Variants in IGSF10 observed in about 807,000 individuals in gnomAD.
The protein encoded by IGSF10 is calvaria mechanical force protein 608.
Under a neutral mutation model 128.2 loss-of-function variants are expected in IGSF10, and 126 were observed. The ratio of observed to expected loss-of-function variants is 0.98; its 90% CI spans 0.85 to 1.14. The LOEUF (loss-of-function observed/expected upper bound fraction) is 1.14. Among genes scored for constraint, IGSF10 ranks in the 50% most tolerant of loss-of-function variants. The probability of loss-of-function intolerance (pLI) is 0.00; values close to 1 mark genes in which losing one functional copy is unlikely to be tolerated. For missense variants in IGSF10, 3,295 were observed against 3,149.8 expected (o/e 1.05, Z -1.10); for synonymous variants, 1,185 against 1,146.2 (o/e 1.03, Z -0.68).
downstream of IGSF10, chr3:151,434,286 A>G (rs1315553014): frequency 6.6e-6 from 1 of 152,140 alleles, no homozygotes; most frequent in Non-Finnish European, 1.5e-5. Flanking sequence ...CATTATCTAT[A>G]AATAATTTAT....
At chr3:151,435,057 GGTTTCT>G (rs1719957741), downstream of IGSF10, 2 of 133,364 alleles carry the variant, frequency 1.5e-5, no homozygotes, top group South Asian at 4.8e-4. Context: ...TATCTTGAGA[GGTTTCT>G]TTTTTTTTTT....
chr3:151,510,523 G>A, the IGSF10 span, among the ~76,000 whole-genome samples: 1 of 152,140 alleles, frequency 6.6e-6, no homozygotes. Flanking sequence ...AAAAAACAGA[G>A]CAGAAAAACT....
the IGSF10 span, among the ~76,000 whole-genome samples, chr3:151,536,679 A>C: frequency 7.8e-3 from 1,187 of 152,270 alleles, 13 homozygotes; most frequent in African/African-American, 0.027. Flanking sequence ...GCCGAATCTA[A>C]AGTACCAGAT....
At position 151,447,038 on chromosome 3, in the gene IGSF10, C is replaced by A. The variant is rs143010277; in HGVS notation, c.2943G>T (p.Thr981=). 8.7e-6 allele frequency: 14 copies of A among 1,613,650 alleles called. No individual in the cohort carries two copies. In the East Asian group the frequency reaches 2.9e-4, roughly 33 times the overall value. The change falls in exon 6 of 8, where the codon ACG becomes ACT. Residue 981 remains threonine (T), a synonymous_variant. Coordinates refer to ENST00000282466, the MANE Select transcript of IGSF10 (RefSeq NM_178822.5). ...SHTTQILSTS[T]FPSDPHTAAH... Reference sequence around the variant, plus strand: ...CAGCTGTGTGTGGATCTGAAGGGAACGTGGAGGTGCTAAGTATTTGAGTAG... The same window carrying A: ...CAGCTGTGTGTGGATCTGAAGGGAAAGTGGAGGTGCTAAGTATTTGAGTAG...
chr3:151,485,153 A>T, the IGSF10 span, among the ~76,000 whole-genome samples: 1 of 152,184 alleles, frequency 6.6e-6, no homozygotes, highest in Non-Finnish European at 1.5e-5. Flanking sequence ...TTCATGAAGC[A>T]TACATAAGTA....
chr3:151,435,253 TCA>T (rs1720012514), downstream of IGSF10: 1 of 3,976 alleles, frequency 2.5e-4, no homozygotes. Flanking sequence ...GCTATACCTA[TCA>T]ATCAATCACA....
chr3:151,506,099 A>G, the IGSF10 span, among the ~76,000 whole-genome samples: 111 of 152,202 alleles, frequency 7.3e-4, 3 homozygotes, highest in Non-Finnish European at 3.4e-4. Flanking sequence ...CTACAGGCAC[A>G]CGCCACTACG....
chr3:151,438,472 T>A lies in IGSF10; in HGVS notation c.6089A>T (p.His2030Leu). 6.2e-7 allele frequency: 1 copy of A among 1,614,180 alleles called. No homozygotes were observed. Among genetic ancestry groups the A allele is most frequent in the Non-Finnish European group, 8.5e-7 (1 of 1,180,022 alleles). The change falls in exon 8 of 8, where the codon CAT (histidine) becomes CTT (leucine). Residue 2030 changes from histidine (H) to leucine (L), a missense_variant. His to Leu is a moderately conservative substitution (Grantham distance 99, BLOSUM62 -3). Coordinates refer to ENST00000282466, the MANE Select transcript of IGSF10 (RefSeq NM_178822.5). Reference protein sequence around the residue: ...NKMGDDLILMHVSLRLKPAKI... With the variant: ...NKMGDDLILMLVSLRLKPAKI... ...GGCAGGTTTCAGTCTTAGGCTAACA[T>A]GCATCAGTATCAGATCATCCCCCAT...
chr3:151,613,472 CAG>C, the IGSF10 span, among the ~76,000 whole-genome samples: 3 of 152,128 alleles, frequency 2.0e-5, no homozygotes, highest in Admixed American at 6.5e-5. Context: ...GGTACCAAAA[CAG>C]AGATATAGAC....
At chr3:151,615,224 G>C in the IGSF10 span, among the ~76,000 whole-genome samples, 8 of 151,840 alleles carry the variant, frequency 5.3e-5, no homozygotes, top group African/African-American at 1.7e-4. Context: ...TGAATGTCAA[G>C]GTTTTTTTGT....
chr3:151,605,740 C>T, the IGSF10 span, among the ~76,000 whole-genome samples: 2 of 152,130 alleles, frequency 1.3e-5, no homozygotes, highest in African/African-American at 4.8e-5. Flanking sequence ...TAGGTTTTTC[C>T]ATAGTCTATT....
the IGSF10 span, among the ~76,000 whole-genome samples, chr3:151,615,932 TTTTG>T: frequency 2.6e-5 from 4 of 151,952 alleles, no homozygotes; most frequent in East Asian, 1.9e-4. Flanking sequence ...TTTATTTTGT[TTTTG>T]TTTGTTTGGT....
the IGSF10 span, among the ~76,000 whole-genome samples, chr3:151,489,634 T>C: frequency 6.6e-6 from 1 of 152,106 alleles, no homozygotes; most frequent in Non-Finnish European, 1.5e-5. Flanking sequence ...TGGAATACTA[T>C]GCAGCCATAA....
chr3:151,462,269 G>A (rs867098054), upstream of IGSF10, among the ~76,000 whole-genome samples: 6 of 152,182 alleles, frequency 3.9e-5, no homozygotes, highest in Non-Finnish European at 5.9e-5. Flanking sequence ...ATAGGGTCAC[G>A]GGTCCAGCAT....
the IGSF10 span, among the ~76,000 whole-genome samples, chr3:151,591,119 T>G: frequency 6.6e-6 from 1 of 152,080 alleles, no homozygotes; most frequent in Non-Finnish European, 1.5e-5. Flanking sequence ...ATGATGCAAA[T>G]GCACATTTCT....
chr3:151,592,334 C>T, the IGSF10 span, among the ~76,000 whole-genome samples: 4 of 152,184 alleles, frequency 2.6e-5, no homozygotes, highest in East Asian at 7.7e-4. Flanking sequence ...AAGACCTTTA[C>T]TATTTCATGG....
Position 151,452,743 on chromosome 3 carries a change from T to C in IGSF10, c.715+641A>G, listed in dbSNP as rs1234163823. On this transcript the variant is annotated intron_variant, in intron 5 of 7. Coordinates refer to ENST00000282466, the MANE Select transcript of IGSF10 (RefSeq NM_178822.5). ...AAAAGACTTCTAATAGGAGTAGATA[T>C]AACCAAATGTTATCCATTCAAGAAT... Among the ~76,000 whole-genome samples, 5 of 152,088 alleles carry C rather than the reference T, an allele frequency of 3.3e-5. No individual in the cohort carries two copies. In the East Asian group the frequency reaches 7.7e-4, roughly 23 times the overall value.
chr3:151,449,415 G>T (rs1341998255), intron 5 of IGSF10, 150 bp from the exon 6 acceptor site: 2 of 745,946 alleles, frequency 2.7e-6, no homozygotes, highest in Non-Finnish European at 4.2e-6. Flanking sequence ...TTCTGAATTT[G>T]ATTTTTTAAA....
the IGSF10 span, among the ~76,000 whole-genome samples, chr3:151,618,274 T>A: frequency 6.6e-6 from 1 of 152,184 alleles, no homozygotes; most frequent in African/African-American, 2.4e-5. Context: ...GACATCTGTC[T>A]CCAGAATGTT....
Sources: allele counts gnomAD v4.1 joint callset (sites outside exome capture counted in the v4.1 genomes callset), GRCh38; gene constraint gnomAD v4.1.1; transcripts MANE v1.5; gene names NCBI Gene and HGNC (gene_info 2026-07-23, HGNC 2026-07-21).